The following GPC3 variants were observed in gnomAD, a reference collection of about 807,000 sequenced individuals.
The protein encoded by GPC3 is glypican 3.
In GPC3, 3 loss-of-function variants were observed where a neutral mutation model predicts 34.4. That is an observed-to-expected ratio of 0.09 (90% confidence interval 0.04 to 0.23). GPC3 has a LOEUF of 0.23. GPC3 is among the 10% of genes least tolerant of loss of function. GPC3 has a pLI of 1.00. For missense variants in GPC3, 351 were observed against 445.6 expected, an observed-to-expected ratio of 0.79 and a Z score of 1.91; for synonymous variants, 177 against 174.0, an observed-to-expected ratio of 1.02 and a Z score of -0.13.
At chrX:133,659,748 C>T in intron 6 of GPC3, among the ~76,000 whole-genome samples, 1 of 111,537 alleles carries the variant, frequency 9.0e-6, no homozygotes, top group Non-Finnish European at 1.9e-5. Flanking sequence ...GACAATATTC[C>T]TCATTTAGAA....
At chrX:133,575,023 T>A in intron 7 of GPC3, among the ~76,000 whole-genome samples, 2 of 112,131 alleles carry the variant, frequency 1.8e-5, no homozygotes, top group Non-Finnish European at 3.8e-5. Flanking sequence ...AGGGAAGTGG[T>A]AGAGCAGAGG....
At chrX:133,866,754 A>T (rs1193942091) in intron 2 of GPC3, among the ~76,000 whole-genome samples, 1 of 111,301 alleles carries the variant, frequency 9.0e-6, no homozygotes, top group Admixed American at 9.6e-5. Context: ...AGATCAAGCA[A>T]TGCCCCCCAA....
intron 6 of GPC3, among the ~76,000 whole-genome samples, chrX:133,655,249 A>T (rs1389409484): frequency 2.3e-4 from 26 of 111,402 alleles, no homozygotes; most frequent in Non-Finnish European, 4.7e-4. Context: ...GCCACCAGAC[A>T]TTGTGATTAT....
chrX:133,688,057 A>G (rs2071026788), intron 5 of GPC3, among the ~76,000 whole-genome samples: 1 of 112,445 alleles, frequency 8.9e-6, no homozygotes, highest in Non-Finnish European at 1.9e-5. Context: ...GGGCAAAGAC[A>G]TTTACTTATT....
intron 7 of GPC3, among the ~76,000 whole-genome samples, chrX:133,564,962 A>T (rs1470226703): frequency 8.9e-6 from 1 of 112,373 alleles, no homozygotes; most frequent in African/African-American, 3.2e-5. Context: ...AATCAATAGA[A>T]ATATGCTAGT....
intron 2 of GPC3, among the ~76,000 whole-genome samples, chrX:133,803,446 C>A (rs1025511606): frequency 2.7e-5 from 3 of 111,995 alleles, no homozygotes; most frequent in Non-Finnish European, 5.6e-5. Flanking sequence ...ATGGCCATTG[C>A]AAAGGATTCG....
intron 2 of GPC3, among the ~76,000 whole-genome samples, chrX:133,802,914 CTTTTTTTTTTTT>C (rs751359373): frequency 1.5e-5 from 1 of 68,553 alleles, no homozygotes; most frequent in South Asian, 7.3e-4. Flanking sequence ...GGAAGGTATT[CTTTTTTTTTTTT>C]TTTTTTTTTT....
intron 4 of GPC3, among the ~76,000 whole-genome samples, chrX:133,698,269 A>C (rs1238749363): frequency 3.6e-5 from 4 of 112,018 alleles, no homozygotes. Flanking sequence ...GATTTCTTCT[A>C]TTCTGATTGT....
chrX:133,573,666 C>T (rs778266856), intron 7 of GPC3, among the ~76,000 whole-genome samples: 9 of 111,608 alleles, frequency 8.1e-5, no homozygotes, highest in Non-Finnish European at 1.7e-4. Context: ...ATTCCACTTA[C>T]AACAGTATCA....
At chrX:133,954,527 C>A (rs184274629) in intron 1 of GPC3, among the ~76,000 whole-genome samples, 1 of 108,968 alleles carries the variant, frequency 9.2e-6, no homozygotes, top group Admixed American at 9.8e-5. Context: ...AAGGGAGATA[C>A]AGAATGTGAT....
chrX:133,584,474 C>T (rs1429243743), intron 7 of GPC3, among the ~76,000 whole-genome samples: 2 of 111,884 alleles, frequency 1.8e-5, no homozygotes, highest in Non-Finnish European at 3.8e-5. Context: ...ATAGCCTCTA[C>T]TCCATTTTTG....
chrX:133,714,154 G>A (rs2124449208), intron 3 of GPC3, among the ~76,000 whole-genome samples: 1 of 111,799 alleles, frequency 8.9e-6, no homozygotes, highest in African/African-American at 3.2e-5. Flanking sequence ...TCAAAAAAGG[G>A]TATTAGGACA....
intron 2 of GPC3, among the ~76,000 whole-genome samples, chrX:133,878,824 T>C (rs947829937): frequency 9.0e-6 from 1 of 111,705 alleles, no homozygotes; most frequent in Non-Finnish European, 1.9e-5. Flanking sequence ...CAGGAAGACA[T>C]GGTCAAGTCA....
chrX:133,705,971 A>G (rs17251516), intron 3 of GPC3, among the ~76,000 whole-genome samples: 3,023 of 111,897 alleles, frequency 0.027, 49 homozygotes, highest in Non-Finnish European at 0.041. Flanking sequence ...CTAGCTTGCC[A>G]CTTGCTGCCT....
chrX:133,867,368 T>C (rs757720141), intron 2 of GPC3, among the ~76,000 whole-genome samples: 73 of 110,875 alleles, frequency 6.6e-4, no homozygotes, highest in African/African-American at 2.3e-3. Flanking sequence ...TGAAGAAGAA[T>C]TGATAACAAT....
chrX:133,927,089 G>A (rs984651488), intron 2 of GPC3, among the ~76,000 whole-genome samples: 4 of 111,030 alleles, frequency 3.6e-5, no homozygotes, highest in African/African-American at 1.3e-4. Context: ...AAGGGGTTCC[G>A]CTCCAGTACA....
At chrX:133,930,218 C>G (rs780426721) in intron 2 of GPC3, among the ~76,000 whole-genome samples, 26 of 111,838 alleles carry the variant, frequency 2.3e-4, no homozygotes, top group African/African-American at 7.8e-4. Context: ...TGAGCTCCCC[C>G]CAACTGCCCC....
intron 7 of GPC3, among the ~76,000 whole-genome samples, chrX:133,558,946 T>TAAATAA (rs2069518925): frequency 9.2e-6 from 1 of 108,239 alleles, no homozygotes; most frequent in African/African-American, 3.4e-5. Flanking sequence ...TAAATAAAAA[T>TAAATAA]AAATGTGTCC....
chrX:133,578,358 G>A (rs2069704687), intron 7 of GPC3, among the ~76,000 whole-genome samples: 1 of 111,862 alleles, frequency 8.9e-6, no homozygotes, highest in African/African-American at 3.3e-5. Context: ...CCCTTCACTT[G>A]CACTCACTTG....
Sources: allele counts gnomAD v4.1 joint callset (sites outside exome capture counted in the v4.1 genomes callset), GRCh38; gene constraint gnomAD v4.1.1; transcripts MANE v1.5; gene names NCBI Gene and HGNC (gene_info 2026-07-23, HGNC 2026-07-21).